LGSN: variants seen among roughly 807,000 people sequenced by gnomAD.
LGSN encodes lengsin, lens protein with glutamine synthetase domain.
A neutral mutation model predicts 19.5 loss-of-function variants in LGSN; 21 were observed. The observed-to-expected ratio is 1.07, with a 90% CI of 0.76 to 1.55. LGSN has a LOEUF of 1.55. LGSN is among the 40% of genes most tolerant of loss of function. The pLI, the probability that LGSN is intolerant of heterozygous loss-of-function variation, is 0.00. For synonymous variants in LGSN, 257 were observed against 215.6 expected, an observed-to-expected ratio of 1.19 and a Z score of -1.68; for missense variants, 673 against 608.5, an observed-to-expected ratio of 1.11 and a Z score of -1.12.
upstream of LGSN, among the ~76,000 whole-genome samples, chr6:63,323,561 C>T (rs113452666): frequency 1.1e-3 from 77 of 70,512 alleles, no homozygotes; most frequent in African/African-American, 5.2e-3. Context: ...ACCTCATATA[C>T]ACACACACAC....
intron 1 of LGSN, among the ~76,000 whole-genome samples, chr6:63,316,948 A>AT (rs1400697819): frequency 1.9e-4 from 29 of 152,080 alleles, no homozygotes; most frequent in Admixed American, 1.9e-3. Context: ...CTTTAAAAAA[A>AT]TTATGATATG....
At chr6:63,505,552 T>G in the LGSN span, among the ~76,000 whole-genome samples, 1 of 23,810 alleles carries the variant, frequency 4.2e-5, no homozygotes, top group African/African-American at 6.8e-4. Context: ...CAAGAATCTG[T>G]CAAAAAAAAA....
At chr6:63,329,858 A>AG in the LGSN span, among the ~76,000 whole-genome samples, 2 of 152,232 alleles carry the variant, frequency 1.3e-5, no homozygotes, top group East Asian at 3.8e-4. Context: ...ACAACTGAGA[A>AG]GGTGGGAGAA....
At chr6:63,482,234 A>ACTT in the LGSN span, among the ~76,000 whole-genome samples, 1 of 152,126 alleles carries the variant, frequency 6.6e-6, no homozygotes, top group Non-Finnish European at 1.5e-5. Context: ...GAGAACCTGA[A>ACTT]CTTTTAGTTC....
chr6:63,534,452 AACACACACACACAC>A, the LGSN span, among the ~76,000 whole-genome samples: 3 of 144,416 alleles, frequency 2.1e-5, no homozygotes, highest in African/African-American at 7.7e-5. Flanking sequence ...CACACAGAGA[AACACACACACACAC>A]ACACACACAC....
At chr6:63,284,962 T>A (rs2127383210) in intron 3 of LGSN, among the ~76,000 whole-genome samples, 1 of 152,278 alleles carries the variant, frequency 6.6e-6, no homozygotes, top group Non-Finnish European at 1.5e-5. Context: ...TGTCCCTTGC[T>A]AAGAAATTTG....
At chr6:63,421,441 C>T in the LGSN span, among the ~76,000 whole-genome samples, 1 of 147,816 alleles carries the variant, frequency 6.8e-6, no homozygotes, top group Non-Finnish European at 1.5e-5. Context: ...AAAAATTATT[C>T]AGTCGGGGCC....
At chr6:63,355,947 G>A in the LGSN span, among the ~76,000 whole-genome samples, 2 of 152,176 alleles carry the variant, frequency 1.3e-5, no homozygotes, top group East Asian at 3.9e-4. Context: ...CCAATGTGCT[G>A]GTATTACAGG....
intron 1 of LGSN, among the ~76,000 whole-genome samples, chr6:63,313,894 G>GCATGCATA (rs1368911465): frequency 6.7e-6 from 1 of 149,858 alleles, no homozygotes; most frequent in African/African-American, 2.5e-5. Context: ...ATACATACAT[G>GCATGCATA]CATACATACA....
At chr6:63,412,321 C>T in the LGSN span, among the ~76,000 whole-genome samples, 7 of 149,688 alleles carry the variant, frequency 4.7e-5, no homozygotes, top group Admixed American at 6.7e-5. Context: ...GAACTGAGAT[C>T]GCCCCACTGC....
At chr6:63,406,668 A>T in the LGSN span, among the ~76,000 whole-genome samples, 2 of 152,100 alleles carry the variant, frequency 1.3e-5, no homozygotes, top group South Asian at 2.1e-4. Context: ...GGCAAAAAAT[A>T]ACTAAAATCA....
At chr6:63,333,538 C>CGAAAGAAAGA in the LGSN span, among the ~76,000 whole-genome samples, 1 of 120,838 alleles carries the variant, frequency 8.3e-6, no homozygotes, top group Admixed American at 1.0e-4. Context: ...AATGAAAGAA[C>CGAAAGAAAGA]GAAAGAAAGA....
chr6:63,559,851 T>A, the LGSN span, among the ~76,000 whole-genome samples: 2 of 152,164 alleles, frequency 1.3e-5, no homozygotes, highest in Non-Finnish European at 2.9e-5. Flanking sequence ...GGTTTCGAAC[T>A]CCTGGGCTCA....
the LGSN span, among the ~76,000 whole-genome samples, chr6:63,559,501 C>T: frequency 6.6e-6 from 1 of 152,136 alleles, no homozygotes; most frequent in East Asian, 1.9e-4. Context: ...AATCCCAGCA[C>T]TTTGGGAGGC....
At chr6:63,505,814 C>T in the LGSN span, among the ~76,000 whole-genome samples, 1 of 152,058 alleles carries the variant, frequency 6.6e-6, no homozygotes, top group African/African-American at 2.4e-5. Flanking sequence ...TGTGCACCAC[C>T]ACGCCCGGCT....
At chr6:63,409,553 AT>A in the LGSN span, among the ~76,000 whole-genome samples, 5 of 152,170 alleles carry the variant, frequency 3.3e-5, no homozygotes, top group African/African-American at 1.2e-4. Flanking sequence ...AGATGACCTT[AT>A]TTTAAATTTC....
the LGSN span, among the ~76,000 whole-genome samples, chr6:63,465,912 G>T: frequency 1.3e-5 from 2 of 152,172 alleles, no homozygotes; most frequent in Non-Finnish European, 2.9e-5. Flanking sequence ...AGTGAAAAAT[G>T]AGAAATGATT....
the LGSN span, among the ~76,000 whole-genome samples, chr6:63,461,017 T>C: frequency 6.6e-6 from 1 of 152,184 alleles, no homozygotes; most frequent in Non-Finnish European, 1.5e-5. Flanking sequence ...CTGTAGCTAC[T>C]GGGGCCACTG....
chr6:63,560,863 T>C, the LGSN span, among the ~76,000 whole-genome samples: 8 of 152,126 alleles, frequency 5.3e-5, no homozygotes, highest in Non-Finnish European at 1.5e-5. Context: ...ACACTTAGAG[T>C]AGCATTAGTC....
Sources: allele counts gnomAD v4.1 joint callset (sites outside exome capture counted in the v4.1 genomes callset), GRCh38; gene constraint gnomAD v4.1.1; transcripts MANE v1.5; gene names NCBI Gene and HGNC (gene_info 2026-07-23, HGNC 2026-07-21).